Variants in TAMM41 observed in about 807,000 individuals in gnomAD.
The protein encoded by TAMM41 is phosphatidate cytidylyltransferase, mitochondrial.
TAMM41 carries 36 observed loss-of-function variants against 44.1 expected under a neutral mutation model. That is an observed-to-expected ratio of 0.82 (90% CI 0.63 to 1.08). The LOEUF is 1.08. Among genes scored for constraint, TAMM41 ranks in the 50% least tolerant of loss-of-function variants. TAMM41 has a pLI of 0.00. For missense variants in TAMM41, 417 were observed against 404.3 expected (o/e 1.03, Z -0.27); for synonymous variants, 164 against 153.1 (o/e 1.07, Z -0.53).
chr3:11,844,218 A>C lies in TAMM41; in HGVS notation c.136-7T>G. The C allele has an allele frequency of 6.2e-7, 1 of 1,609,734 alleles. No homozygotes were observed. Among genetic ancestry groups the C allele is most frequent in the Non-Finnish European group, 8.5e-7 (1 of 1,177,930 alleles). ...CAAAGTCCAGCATAGCATTCTGTGG[A>C]GTGAAGAAAAGAGAATAATTTCAGT... On this transcript the variant is annotated splice_polypyrimidine_tract_variant and splice_region_variant and intron_variant, in intron 1 of 7. Transcript: ENST00000455809.
chr3:11,804,871 T>C (rs1005970070), intron 7 of TAMM41, among the ~76,000 whole-genome samples: 1 of 151,068 alleles, frequency 6.6e-6, no homozygotes, highest in African/African-American at 2.4e-5. Context: ...TATTATAATT[T>C]TTTTTTTTTT....
chr3:11,784,069 G>A, the TAMM41 span, among the ~76,000 whole-genome samples: 1 of 152,188 alleles, frequency 6.6e-6, no homozygotes, highest in Admixed American at 6.5e-5. Context: ...GGACCCATAG[G>A]GACAGCTCTT....
chr3:11,822,423 C>T (rs1276880043), intron 4 of TAMM41, among the ~76,000 whole-genome samples: 1 of 152,178 alleles, frequency 6.6e-6, no homozygotes, highest in Non-Finnish European at 1.5e-5. Flanking sequence ...TCCAGCCTCC[C>T]TACAAGAAAC....
the TAMM41 span, among the ~76,000 whole-genome samples, chr3:11,780,367 C>G: frequency 6.6e-6 from 1 of 152,334 alleles, no homozygotes; most frequent in East Asian, 1.9e-4. Flanking sequence ...GTCTGGAATA[C>G]TCTTCCTTCT....
At chr3:11,763,687 T>C in the TAMM41 span, among the ~76,000 whole-genome samples, 6 of 152,248 alleles carry the variant, frequency 3.9e-5, no homozygotes, top group Admixed American at 3.9e-4. Flanking sequence ...CTCAATTTCA[T>C]ACCAAACCAA....
At chr3:11,788,472 A>G (rs531977037), downstream of TAMM41, among the ~76,000 whole-genome samples, 19 of 152,218 alleles carry the variant, frequency 1.2e-4, no homozygotes, top group South Asian at 3.7e-3. Context: ...AACTTTTTGT[A>G]GTGATGTGCT....
intron 7 of TAMM41, among the ~76,000 whole-genome samples, chr3:11,795,577 G>A (rs1208667010): frequency 2.6e-5 from 4 of 152,094 alleles, no homozygotes; most frequent in South Asian, 2.1e-4. Context: ...CTCTAACTAC[G>A]GTAGTCTTTC....
the TAMM41 span, among the ~76,000 whole-genome samples, chr3:11,778,354 A>T: frequency 6.6e-6 from 1 of 152,228 alleles, no homozygotes; most frequent in East Asian, 1.9e-4. Flanking sequence ...TCAGCCTCTC[A>T]AGTAGCTGGG....
chr3:11,843,883 T>C lies in TAMM41; in HGVS notation c.318+146A>G, dbSNP rs2079556234. 3 of 809,878 alleles carry C rather than the reference T, an allele frequency of 3.7e-6. No individual in the cohort carries two copies. The African/African-American group carries it at 5.2e-5, about 14-fold the overall frequency. The allele number at this position is 809,878 out of a possible 1,614,324, so 50.2% of individuals were successfully genotyped here. Reference sequence around the variant, plus strand: ...CCTGACTATAAGAATATACATACTATAAAAACATACATATTTCCCGACTAT... The same window carrying C: ...CCTGACTATAAGAATATACATACTACAAAAACATACATATTTCCCGACTAT... On this transcript the variant is annotated intron_variant, in intron 2 of 7. Coordinates refer to ENST00000455809, the MANE Select transcript of TAMM41 (RefSeq NM_001284401.2).
At chr3:11,732,903 T>C in the TAMM41 span, among the ~76,000 whole-genome samples, 1 of 151,902 alleles carries the variant, frequency 6.6e-6, no homozygotes, top group South Asian at 2.1e-4. Flanking sequence ...GGAAGTGGTC[T>C]GGCTGTGGTA....
the TAMM41 span, among the ~76,000 whole-genome samples, chr3:11,766,436 G>A: frequency 1.3e-5 from 2 of 152,218 alleles, no homozygotes; most frequent in South Asian, 4.1e-4. Flanking sequence ...CCAAAGTGCT[G>A]GGAATACAGG....
At chr3:11,744,512 T>C in the TAMM41 span, among the ~76,000 whole-genome samples, 4 of 151,762 alleles carry the variant, frequency 2.6e-5, no homozygotes, top group East Asian at 6.0e-4. Context: ...CTGGCCAACA[T>C]GGTGAAACCC....
intron 4 of TAMM41, among the ~76,000 whole-genome samples, chr3:11,828,407 C>T (rs967560844): frequency 5.9e-5 from 9 of 152,270 alleles, no homozygotes; most frequent in African/African-American, 2.2e-4. Flanking sequence ...TCCAATGCTA[C>T]GAAGATGTTG....
intron 5 of TAMM41, among the ~76,000 whole-genome samples, chr3:11,814,023 A>ACAC (rs2078192425): frequency 7.1e-6 from 1 of 140,792 alleles, no homozygotes; most frequent in African/African-American, 2.5e-5. Context: ...CACACACATA[A>ACAC]AAAAATCAGC....
In TAMM41 at chr3:11,846,796, A is replaced by G. The variant is rs2079723587; in HGVS notation, c.-160T>C. 1 of 907,892 alleles carries G rather than the reference A, an allele frequency of 1.1e-6. No homozygotes were observed. Among genetic ancestry groups the G allele is most frequent in the Admixed American group, 2.5e-5 (1 of 39,322 alleles). The allele number at this position is 907,892 out of a possible 1,614,324, so 56.2% of individuals were successfully genotyped here. The stretch of plus-strand genomic sequence containing the variant: ...GGTGGGACTGCAAGCACACGCAAGG[A>G]TTGGGGCGTTGGGCCACGAAGAGCA... On this transcript the variant is annotated 5_prime_UTR_variant, in exon 1 of 8. Transcript: ENST00000455809.
intron 4 of TAMM41, among the ~76,000 whole-genome samples, chr3:11,820,054 T>C (rs2124997725): frequency 6.6e-6 from 1 of 152,320 alleles, no homozygotes; most frequent in Non-Finnish European, 1.5e-5. Flanking sequence ...CCCTCACTTC[T>C]ATAATGCTGG....
chr3:11,745,594 A>G, the TAMM41 span, among the ~76,000 whole-genome samples: 1 of 152,214 alleles, frequency 6.6e-6, no homozygotes, highest in Non-Finnish European at 1.5e-5. Flanking sequence ...CAAATACTGT[A>G]TATTTCCACA....
chr3:11,755,169 G>A, the TAMM41 span, among the ~76,000 whole-genome samples: 1 of 152,112 alleles, frequency 6.6e-6, no homozygotes, highest in African/African-American at 2.4e-5. Context: ...AGCAAAGCCT[G>A]GATAACAAAG....
intron 7 of TAMM41, among the ~76,000 whole-genome samples, chr3:11,797,642 T>C (rs1454378545): frequency 1.3e-5 from 2 of 151,964 alleles, no homozygotes; most frequent in African/African-American, 4.8e-5. Context: ...TTAAATGGGA[T>C]CTAATTAAAC....
Sources: allele counts gnomAD v4.1 joint callset (sites outside exome capture counted in the v4.1 genomes callset), GRCh38; gene constraint gnomAD v4.1.1; transcripts MANE v1.5; gene names NCBI Gene and HGNC (gene_info 2026-07-23, HGNC 2026-07-21).